The following CMAS variants were observed in gnomAD, a reference collection of about 807,000 sequenced individuals.
CMAS encodes the protein cytidine monophosphate N-acetylneuraminic acid synthetase, also known as N-acylneuraminate cytidylyltransferase.
A neutral mutation model predicts 53.4 loss-of-function variants in CMAS; 21 were observed. The ratio of observed to expected loss-of-function variants is 0.39; its 90% CI spans 0.28 to 0.57. The LOEUF is 0.57. Ranked by LOEUF, CMAS falls within the 20% of genes least tolerant of loss-of-function variation. CMAS has a pLI of 0.56. For missense variants in CMAS, 384 were observed against 534.9 expected (o/e 0.72, Z 2.78); for synonymous variants, 189 against 195.2 (o/e 0.97, Z 0.27).
intron 6 of CMAS, 47 bp downstream of exon 6, chr12:22,061,499 G>C: frequency 1.5e-6 from 2 of 1,292,414 alleles, no homozygotes; most frequent in Non-Finnish European, 2.1e-6. Flanking sequence ...TTTTGATTCA[G>C]GGTCAAAGAA....
intron 1 of CMAS, among the ~76,000 whole-genome samples, chr12:22,053,752 G>A (rs1950250358): frequency 1.4e-5 from 2 of 148,002 alleles, no homozygotes; most frequent in Admixed American, 6.7e-5. Flanking sequence ...GTTGGCGGGC[G>A]CCTGTAGTCC....
Position 22,055,146 on chromosome 12 carries a change from C to T in CMAS, c.261-3C>T. 6.3e-7 allele frequency: 1 copy of T among 1,584,044 alleles called. No homozygotes were observed. The highest frequency in any genetic ancestry group is 8.6e-7 in the Non-Finnish European group (1 of 1,168,562). The stretch of plus-strand genomic sequence containing the variant: ...CTGTTAATTTCTTTTGATATCTGAA[C>T]AGTGTATGGGTTTCGACAGACCATG... On this transcript the variant is annotated splice_region_variant and splice_polypyrimidine_tract_variant and intron_variant, in intron 1 of 7. Coordinates refer to ENST00000229329, the MANE Select transcript of CMAS (RefSeq NM_018686.6).
At chr12:22,059,149 T>TATATATATA (rs1491113231) in intron 4 of CMAS, among the ~76,000 whole-genome samples, 2 of 91,916 alleles carry the variant, frequency 2.2e-5, no homozygotes, top group African/African-American at 1.4e-4. Flanking sequence ...TATATATATA[T>TATATATATA]TTTTTTTTTT....
In CMAS at chr12:22,053,932, T is replaced by TGTC. The variant is rs371318282; in HGVS notation, c.261-1216_261-1214dup. 2.1e-3 allele frequency among the ~76,000 whole-genome samples: 313 copies of TGTC among 149,898 alleles called. 1 individual carries two copies. Among genetic ancestry groups the TGTC allele is most frequent in the African/African-American group, 7.5e-3 (304 of 40,276 alleles). The stretch of plus-strand genomic sequence containing the variant: ...ATGGCAGGGTTTTGTTGTTGTTTTT[T>TGTC]GTCTTTTTTTTTGAGACAGGGTCTC... On this transcript the variant is annotated intron_variant, in intron 1 of 7. Transcript: ENST00000229329.
rs58755366 is a variant in CMAS, at chr12:22,060,333, T to TAAAAAAAAAAAAAAAAAAAAAAAAAAA, written c.694-498_694-472dup. On this transcript the variant is annotated intron_variant, in intron 4 of 7. Transcript: ENST00000229329. ...ATTTCTTTTGTGTGAGCTTTCTCCT[T>TAAAAAAAAAAAAAAAAAAAAAAAAAAA]AAAAAAAAAAAAAAAAAAAAAAAAA... Among the ~76,000 whole-genome samples, 4 of 54,136 alleles carry TAAAAAAAAAAAAAAAAAAAAAAAAAAA rather than the reference T, an allele frequency of 7.4e-5. 1 individual carries two copies. Among genetic ancestry groups the TAAAAAAAAAAAAAAAAAAAAAAAAAAA allele is most frequent in the African/African-American group, 1.9e-4 (3 of 16,188 alleles). The allele number at this position is 54,136 out of a possible 152,430, so 35.5% of individuals were successfully genotyped here.
At chr12:22,047,731 T>C (rs1265919373) in intron 1 of CMAS, among the ~76,000 whole-genome samples, 1 of 152,164 alleles carries the variant, frequency 6.6e-6, no homozygotes. Context: ...ATTCAGTAGC[T>C]ATTTACTGAG....
chr12:22,053,875 T>C (rs1452600575), intron 1 of CMAS, among the ~76,000 whole-genome samples: 1 of 142,996 alleles, frequency 7.0e-6, no homozygotes, highest in Admixed American at 7.3e-5. Context: ...CGAGACTCCG[T>C]CTCAAAACAA....
intron 1 of CMAS, among the ~76,000 whole-genome samples, chr12:22,048,121 C>T (rs1338347942): frequency 6.6e-6 from 1 of 152,168 alleles, no homozygotes; most frequent in Non-Finnish European, 1.5e-5. Context: ...TGCCTACCTA[C>T]TATGTAACAG....
chr12:22,046,641 C>A, intron 1 of CMAS, 78 bp downstream of exon 1: 1 of 1,383,762 alleles, frequency 7.2e-7, no homozygotes, highest in South Asian at 1.6e-5. Flanking sequence ...GGGGCTGGGG[C>A]CTCCGGGGCC....
intron 7 of CMAS, chr12:22,063,720 G>A: frequency 7.5e-6 from 1 of 133,026 alleles, no homozygotes. Context: ...TTACTTATAT[G>A]ACATTAAAAA....
chr12:22,058,522 CTA>C, intron 3 of CMAS, 43 bp from the exon 4 acceptor site: 1 of 1,548,838 alleles, frequency 6.5e-7, no homozygotes, highest in East Asian at 2.3e-5. Context: ...TTAACACTTT[CTA>C]TATTCAGGGC....
intron 1 of CMAS, among the ~76,000 whole-genome samples, chr12:22,052,374 C>T (rs1307826144): frequency 2.7e-5 from 4 of 147,440 alleles, no homozygotes; most frequent in East Asian, 2.6e-4. Flanking sequence ...GATGAATGAA[C>T]GAAAGAAGGA....
chr12:22,046,717 G>C (rs1950209202), intron 1 of CMAS, among the ~76,000 whole-genome samples, 154 bp downstream of exon 1: 1 of 152,202 alleles, frequency 6.6e-6, no homozygotes, highest in African/African-American at 2.4e-5. Flanking sequence ...CCTGGGGCCG[G>C]GCTGAGAGCC....
chr12:22,056,815 G>C (rs1329438950), intron 3 of CMAS, among the ~76,000 whole-genome samples: 2 of 152,170 alleles, frequency 1.3e-5, no homozygotes, highest in Non-Finnish European at 2.9e-5. Context: ...GAGTCCCTCT[G>C]ATTATGCAAA....
intron 3 of CMAS, among the ~76,000 whole-genome samples, chr12:22,057,981 C>T (rs1013538404): frequency 3.3e-5 from 5 of 151,646 alleles, no homozygotes; most frequent in African/African-American, 1.2e-4. Flanking sequence ...GTACCCACCA[C>T]CATGCCCGGC....
rs33946820 is a variant in CMAS, at chr12:22,062,260, CTTTTTT to C, written c.961-9_961-4del. On this transcript the variant is annotated splice_polypyrimidine_tract_variant and intron_variant, in intron 6 of 7. Coordinates refer to ENST00000229329, the MANE Select transcript of CMAS (RefSeq NM_018686.6). ...TAATTTTTCCCTTCTTCCTCCAATCCTTTTTTTTTTTTTTTTTAAGGTGAGGCTAAT... is the reference window on the plus strand; with the variant it reads ...TAATTTTTCCCTTCTTCCTCCAATCCTTTTTTTTTTTAAGGTGAGGCTAAT... 3.7e-5 allele frequency: 52 copies of C among 1,415,278 alleles called. No homozygotes were observed. The highest frequency in any genetic ancestry group is 2.0e-4 in the East Asian group (8 of 40,052). The allele number at this position is 1,415,278 out of a possible 1,614,324, so 87.7% of individuals were successfully genotyped here. A position where few individuals can be genotyped will look rare whatever the true frequency, so the allele number is the denominator to read the frequency against.
intron 4 of CMAS, 135 bp from the exon 5 acceptor site, chr12:22,060,697 G>A (rs1565531568): frequency 3.6e-6 from 2 of 562,366 alleles, no homozygotes; most frequent in African/African-American, 3.8e-5. Context: ...TCATTTTTAT[G>A]TGACTGATTT....
chr12:22,048,509 C>T (rs1311804358), intron 1 of CMAS, among the ~76,000 whole-genome samples: 1 of 152,142 alleles, frequency 6.6e-6, no homozygotes, highest in African/African-American at 2.4e-5. Context: ...CTTAAAATGG[C>T]TTCCTGAAGA....
At position 22,055,439 on chromosome 12, in the gene CMAS, CTCTTG is replaced by C; in HGVS notation, c.404-11_404-7del. 1 of 1,563,898 alleles carries C rather than the reference CTCTTG, an allele frequency of 6.4e-7. No homozygotes were observed. On this transcript the variant is annotated splice_polypyrimidine_tract_variant and intron_variant, in intron 2 of 7. Coordinates refer to ENST00000229329, the MANE Select transcript of CMAS (RefSeq NM_018686.6). ...TTTTTTTTAAATATCCTTTTCATTT[CTCTTG>C]TCTTTTTAAGAGGTTGACATTGTAG... is the stretch of plus-strand genomic sequence containing the variant.
Sources: gnomAD v4.1 joint callset for allele counts (sites outside exome capture counted in the v4.1 genomes callset) on GRCh38, gnomAD v4.1.1 for gene constraint, MANE v1.5 for transcripts, NCBI Gene and HGNC (gene_info 2026-07-23, HGNC 2026-07-21) for gene names.